Variants in RGS7 observed in about 807,000 individuals in gnomAD.
The protein encoded by RGS7 is regulator of G-protein signaling 7.
RGS7 carries 27 observed loss-of-function variants against 81.1 expected under a neutral mutation model. That is an observed-to-expected ratio of 0.33 (90% CI 0.25 to 0.46). The LOEUF is 0.46. Ranked by LOEUF, RGS7 falls within the 20% of genes least tolerant of loss-of-function variation. The pLI is 1.00. For synonymous variants in RGS7, 208 were observed against 207.7 expected (o/e 1.00, Z -0.01); for missense variants, 396 against 607.4 (o/e 0.65, Z 3.66).
intron 18 of RGS7, among the ~76,000 whole-genome samples, chr1:240,799,084 T>C (rs1687568979): frequency 6.6e-6 from 1 of 152,184 alleles, no homozygotes; most frequent in South Asian, 2.1e-4. Flanking sequence ...AGTTATAAAA[T>C]ACGGAACACT....
chr1:240,974,777 G>A (rs1683806288), intron 4 of RGS7, among the ~76,000 whole-genome samples: 1 of 152,100 alleles, frequency 6.6e-6, no homozygotes, highest in South Asian at 2.1e-4. Flanking sequence ...TCAGTTAAAT[G>A]TGCTTGCACA....
intron 17 of RGS7, 55 bp downstream of exon 17, chr1:240,801,400 T>A: frequency 8.2e-7 from 1 of 1,218,010 alleles, no homozygotes; most frequent in Non-Finnish European, 1.2e-6. Flanking sequence ...ATAGGGAAAT[T>A]GGAAAAATTT....
At chr1:240,804,092 C>G (rs6656081) in intron 15 of RGS7, among the ~76,000 whole-genome samples, 108,670 of 152,040 alleles carry the variant, frequency 0.71, 39,294 homozygotes, top group Non-Finnish European at 0.78. Context: ...TTGAGATTCA[C>G]ATTCTACCTT....
At chr1:240,938,826 G>A (rs199695921) in intron 4 of RGS7, among the ~76,000 whole-genome samples, 16,036 of 151,510 alleles carry the variant, frequency 0.11, 990 homozygotes, top group African/African-American at 0.19. Flanking sequence ...TTGTGCGTGT[G>A]TGTGTGTGTG....
intron 3 of RGS7, among the ~76,000 whole-genome samples, chr1:241,074,631 A>T (rs750618162): frequency 6.6e-6 from 1 of 152,174 alleles, no homozygotes; most frequent in Non-Finnish European, 1.5e-5. Context: ...TCTTTCCCCA[A>T]CAGTTCTAGC....
At chr1:240,775,015 G>A (rs1191900101), downstream of RGS7, among the ~76,000 whole-genome samples, 1 of 152,138 alleles carries the variant, frequency 6.6e-6, no homozygotes, top group Non-Finnish European at 1.5e-5. Context: ...GAGCATCTGT[G>A]GATTTTGGTA....
At chr1:240,953,409 A>C (rs1447364640) in intron 4 of RGS7, among the ~76,000 whole-genome samples, 1 of 151,950 alleles carries the variant, frequency 6.6e-6, no homozygotes, top group Non-Finnish European at 1.5e-5. Context: ...ATGCAAAGGA[A>C]TTAAACTAGA....
chr1:240,870,922 A>T (rs1216707534), intron 6 of RGS7, among the ~76,000 whole-genome samples: 1 of 152,206 alleles, frequency 6.6e-6, no homozygotes, highest in Non-Finnish European at 1.5e-5. Context: ...CACTAGGAGA[A>T]GGGTATCACA....
At chr1:241,102,691 C>A (rs2064844457) in intron 2 of RGS7, among the ~76,000 whole-genome samples, 1 of 152,090 alleles carries the variant, frequency 6.6e-6, no homozygotes, top group South Asian at 2.1e-4. Flanking sequence ...GTTGCCTCCT[C>A]TTTTTTAAGG....
intron 6 of RGS7, among the ~76,000 whole-genome samples, chr1:240,893,112 A>G (rs1668522020): frequency 6.6e-6 from 1 of 152,224 alleles, no homozygotes; most frequent in African/African-American, 2.4e-5. Flanking sequence ...GGATCAATCC[A>G]GTGAAATAGA....
chr1:241,058,204 G>T (rs1408349127), intron 3 of RGS7, among the ~76,000 whole-genome samples: 2 of 152,170 alleles, frequency 1.3e-5, no homozygotes, highest in Non-Finnish European at 2.9e-5. Flanking sequence ...AGTTTCACTG[G>T]TATGTCCATC....
chr1:241,263,475 G>C (rs2077439155), intron 2 of RGS7, among the ~76,000 whole-genome samples: 1 of 152,066 alleles, frequency 6.6e-6, no homozygotes, highest in Admixed American at 6.6e-5. Context: ...AACCAACAGG[G>C]CTCGTCTCTG....
chr1:240,883,595 C>T (rs549812590), intron 6 of RGS7, among the ~76,000 whole-genome samples: 24 of 152,246 alleles, frequency 1.6e-4, no homozygotes, highest in South Asian at 1.2e-3. Flanking sequence ...GGAGCTTTCA[C>T]GGTTATTCAT....
intron 2 of RGS7, among the ~76,000 whole-genome samples, chr1:241,178,386 C>T (rs1267654919): frequency 2.0e-5 from 3 of 152,152 alleles, no homozygotes; most frequent in Non-Finnish European, 2.9e-5. Flanking sequence ...ATTTGGGAAT[C>T]GTAAAAATTT....
chr1:241,056,004 A>C (rs1389694829), intron 3 of RGS7, among the ~76,000 whole-genome samples: 1 of 152,140 alleles, frequency 6.6e-6, no homozygotes, highest in Non-Finnish European at 1.5e-5. Context: ...GCAACACAAA[A>C]CATTTTTCTT....
chr1:241,043,760 A>C (rs2060758428), intron 3 of RGS7, among the ~76,000 whole-genome samples: 1 of 151,804 alleles, frequency 6.6e-6, no homozygotes. Flanking sequence ...ACAACTATTT[A>C]TGTAGTATTT....
chr1:241,245,492 T>TAAA (rs577538701), intron 2 of RGS7, among the ~76,000 whole-genome samples: 11 of 128,768 alleles, frequency 8.5e-5, no homozygotes, highest in African/African-American at 2.8e-4. Flanking sequence ...CTTTTCCTTA[T>TAAA]AAAAAAAAAA....
At chr1:241,309,135 C>T (rs984422389) in intron 2 of RGS7, among the ~76,000 whole-genome samples, 1 of 151,894 alleles carries the variant, frequency 6.6e-6, no homozygotes, top group African/African-American at 2.4e-5. Flanking sequence ...ACCTGTAATC[C>T]CAGCACTTTG....
chr1:240,974,390 T>C (rs1259339583), intron 4 of RGS7, among the ~76,000 whole-genome samples: 1 of 152,210 alleles, frequency 6.6e-6, no homozygotes, highest in African/African-American at 2.4e-5. Context: ...CGTTCTCACA[T>C]CCATTTAAGA....
Sources: gnomAD v4.1 joint callset for allele counts (sites outside exome capture counted in the v4.1 genomes callset) on GRCh38, gnomAD v4.1.1 for gene constraint, MANE v1.5 for transcripts, NCBI Gene and HGNC (gene_info 2026-07-23, HGNC 2026-07-21) for gene names.